Variants in LAMA1 observed in about 807,000 individuals in gnomAD.
LAMA1 encodes laminin subunit alpha 1.
LAMA1 carries 219 observed loss-of-function variants against 348.7 expected under a neutral mutation model. The ratio of observed to expected loss-of-function variants is 0.63; its 90% confidence interval spans 0.56 to 0.70. The LOEUF is 0.70. Ranked by LOEUF, LAMA1 falls within the 30% of genes least tolerant of loss-of-function variation. LAMA1 has a pLI of 0.00. For synonymous variants in LAMA1, 1,487 were observed against 1,491.0 expected, an observed-to-expected ratio of 1.00 and a Z score of 0.06; for missense variants, 3,744 against 3,888.0, an observed-to-expected ratio of 0.96 and a Z score of 0.99.
chr18:7,025,984 G>A lies in LAMA1; in HGVS notation c.2397C>T (p.Ser799=). ...QPCACPLTIA[S]NNFSPTCHLN... is the part of the protein sequence containing the mutation. ...TGATGAGGTCCGAGGCTTACTTGTT[G>A]GAGGCTATGGTGAGAGGGCAGGCGC... The change falls in exon 17 of 63, where the codon TCC becomes TCT. Residue 799 remains serine, a synonymous_variant. Coordinates refer to ENST00000389658, the MANE Select transcript of LAMA1 (RefSeq NM_005559.4). 6.2e-7 allele frequency: 1 copy of A among 1,607,648 alleles called. No individual in the cohort carries two copies. The highest frequency in any genetic ancestry group is 1.1e-5 in the South Asian group (1 of 89,632).
At chr18:7,023,845 G>GT (rs2057930274) in intron 18 of LAMA1, among the ~76,000 whole-genome samples, 2 of 152,038 alleles carry the variant, frequency 1.3e-5, no homozygotes, top group Non-Finnish European at 2.9e-5. Flanking sequence ...TTTTTGTTTT[G>GT]TTTTGTTTTT....
chr18:6,984,243 C>A (rs654704), intron 39 of LAMA1, among the ~76,000 whole-genome samples: 51,724 of 151,984 alleles, frequency 0.34, 10,866 homozygotes, highest in East Asian at 0.68. Context: ...TTTTTAATTG[C>A]TTTTGTTGTG....
rs767255042 is a variant in LAMA1, at chr18:6,973,128, C to T, written c.6703G>A (p.Gly2235Arg). The T allele has an allele frequency of 1.2e-6, 2 of 1,614,072 alleles. No individual in the cohort carries two copies. The highest frequency in any genetic ancestry group is 1.7e-6 in the Non-Finnish European group (2 of 1,179,896). ...KSPTKTSKSP[G>R]TANVLDVNNS... ...TTTACATCCAGAACATTAGCTGTCC[C>T]AGGGGATTTACTTGTTTTTGTTGGT... The change falls in exon 47 of 63, where the codon GGG becomes AGG. Residue 2235 changes from glycine (G) to arginine (R), a missense_variant. Gly to Arg is a moderately radical substitution (Grantham distance 125). Transcript: ENST00000389658.
intron 9 of LAMA1, among the ~76,000 whole-genome samples, chr18:7,041,272 A>C (rs1157485563): frequency 6.6e-6 from 1 of 152,236 alleles, no homozygotes; most frequent in Non-Finnish European, 1.5e-5. Flanking sequence ...AGCTACAGCA[A>C]AGTGGGTTAA....
At chr18:6,989,007 C>G (rs2057747715) in intron 36 of LAMA1, among the ~76,000 whole-genome samples, 1 of 152,098 alleles carries the variant, frequency 6.6e-6, no homozygotes, top group Non-Finnish European at 1.5e-5. Flanking sequence ...CTAAGAGTAG[C>G]TCACTACCTG....
chr18:7,031,956 G>T, intron 16 of LAMA1, 110 bp downstream of exon 16: 1 of 747,452 alleles, frequency 1.3e-6, no homozygotes, highest in Non-Finnish European at 2.3e-6. Flanking sequence ...TGGGGTCTAT[G>T]AGGCTAGGGT....
chr18:7,054,084 T>A (rs1372758106), intron 3 of LAMA1, among the ~76,000 whole-genome samples: 1 of 152,140 alleles, frequency 6.6e-6, no homozygotes, highest in Non-Finnish European at 1.5e-5. Context: ...TAATCTTTTT[T>A]TTACATTGAT....
chr18:7,042,356 C>G, intron 8 of LAMA1, 106 bp from the exon 9 acceptor site: 1 of 734,168 alleles, frequency 1.4e-6, no homozygotes, highest in Non-Finnish European at 2.4e-6. Context: ...GGGACTATTA[C>G]GATGATTTTG....
chr18:7,066,522 T>C (rs1476553865), intron 3 of LAMA1, among the ~76,000 whole-genome samples: 1 of 152,202 alleles, frequency 6.6e-6, no homozygotes, highest in African/African-American at 2.4e-5. Flanking sequence ...ACCACCGTGT[T>C]ATAGCAATTT....
At chr18:7,057,484 T>TA (rs2058086745) in intron 3 of LAMA1, among the ~76,000 whole-genome samples, 1 of 144,556 alleles carries the variant, frequency 6.9e-6, no homozygotes, top group African/African-American at 2.5e-5. Flanking sequence ...TTTTTTTTTT[T>TA]TTTTTTTTGA....
rs2057720553 is a variant in LAMA1, at chr18:6,983,317, C to T, written c.5661-83G>A. The T allele has an allele frequency of 2.1e-6, 3 of 1,451,052 alleles. No individual in the cohort carries two copies. In the African/African-American group the frequency reaches 4.2e-5, roughly 20 times the overall value. 89.9% of individuals were successfully genotyped at this position (1,451,052 alleles called of 1,614,324 possible). ...ACTCACAAAAATCATAAATGCCTAC[C>T]AGTTTTGAAAGCCTCCTATCTTCTT... On this transcript the variant is annotated intron_variant, in intron 39 of 62. Coordinates refer to ENST00000389658, the MANE Select transcript of LAMA1 (RefSeq NM_005559.4).
rs774489322 is a variant in LAMA1, at chr18:6,956,514, G to T, written c.8094+122C>A. ...CGCTCTGATTTTTAGCACAGCTCCA[G>T]CTCCAGCTCCAGCTCCAGCTTTCGC... On this transcript the variant is annotated intron_variant, in intron 56 of 62. Transcript: ENST00000389658. The T allele has an allele frequency of 2.0e-5, 17 of 867,002 alleles. No individual in the cohort carries two copies. The South Asian group carries it at 2.3e-4, about 12-fold the overall frequency. 53.7% of individuals were successfully genotyped at this position (867,002 alleles called of 1,614,324 possible). A position where few individuals can be genotyped will look rare whatever the true frequency, so the allele number is the denominator to read the frequency against.
At chr18:7,003,730 C>T (rs767777305) in intron 29 of LAMA1, among the ~76,000 whole-genome samples, 21 of 152,216 alleles carry the variant, frequency 1.4e-4, no homozygotes, top group Non-Finnish European at 2.9e-4. Flanking sequence ...CCTGAGCAAA[C>T]TCCCAGGCTG....
chr18:6,947,267 C>T lies in LAMA1; in HGVS notation c.8740G>A (p.Val2914Met). The T allele has an allele frequency of 1.2e-6, 2 of 1,614,038 alleles. No homozygotes were observed. Among genetic ancestry groups the T allele is most frequent in the Non-Finnish European group, 1.7e-6 (2 of 1,180,040 alleles). ...VKEGYKVQSD[V>M]NITLEFRTSS... ...GTTCGAAACTCCAGTGTGATGTTCACATCTGACTGGACTTTGTAGCCCTCT... is the reference window on the plus strand; with the variant it reads ...GTTCGAAACTCCAGTGTGATGTTCATATCTGACTGGACTTTGTAGCCCTCT... The change falls in exon 61 of 63, where the codon GTG becomes ATG. Residue 2914 changes from valine (V) to methionine (M), a missense_variant. Val to Met is a conservative substitution (Grantham distance 21, BLOSUM62 1). This residue lies in a region of LAMA1 where 232 missense variants were observed against 264.4 expected (regional missense o/e 0.88). Coordinates refer to ENST00000389658, the MANE Select transcript of LAMA1 (RefSeq NM_005559.4).
intron 1 of LAMA1, among the ~76,000 whole-genome samples, chr18:7,107,068 A>G (rs537668597): frequency 2.9e-4 from 43 of 149,220 alleles, no homozygotes; most frequent in African/African-American, 9.7e-4. Flanking sequence ...GGCAATGTCC[A>G]CTCCTATGAC....
chr18:7,040,268 T>A, intron 9 of LAMA1, 32 bp from the exon 10 acceptor site: 1 of 1,612,854 alleles, frequency 6.2e-7, no homozygotes, highest in Non-Finnish European at 8.5e-7. Flanking sequence ...TGACCCAACA[T>A]GAAGGCAAAA....
chr18:6,985,176 C>T, intron 39 of LAMA1, 61 bp downstream of exon 39: 2 of 1,547,182 alleles, frequency 1.3e-6, no homozygotes, highest in Non-Finnish European at 1.8e-6. Context: ...TAGAAACATC[C>T]ATCTATTTCT....
chr18:6,978,737 G>C (rs973035034), intron 42 of LAMA1, among the ~76,000 whole-genome samples: 3 of 152,190 alleles, frequency 2.0e-5, no homozygotes, highest in African/African-American at 7.2e-5. Flanking sequence ...TTAATAAGCT[G>C]AACTTCTTTA....
At chr18:7,108,987 T>C (rs918198521) in intron 1 of LAMA1, among the ~76,000 whole-genome samples, 1 of 152,084 alleles carries the variant, frequency 6.6e-6, no homozygotes, top group Admixed American at 6.6e-5. Context: ...TGGAAACAAC[T>C]ATTTGAACCA....
Sources: gnomAD v4.1 joint callset for allele counts (sites outside exome capture counted in the v4.1 genomes callset) on GRCh38, gnomAD v4.1.1 for gene constraint, gnomAD v4.1.1 regional missense constraint, MANE v1.5 for transcripts, NCBI Gene and HGNC (gene_info 2026-07-23, HGNC 2026-07-21) for gene names.